MTR: variants seen among roughly 807,000 people sequenced by gnomAD.
MTR encodes the protein methionine synthase.
A neutral mutation model predicts 154.8 loss-of-function variants in MTR; 84 were observed. The observed-to-expected ratio is 0.54, with a 90% CI of 0.45 to 0.65. MTR has a LOEUF of 0.65. Ranked by LOEUF, MTR falls within the 30% of genes least tolerant of loss-of-function variation. MTR has a pLI of 0.00. For missense variants in MTR, 1,275 were observed against 1,570.2 expected (o/e 0.81, Z 3.18); for synonymous variants, 554 against 553.9 (o/e 1.00, Z 0.00).
At chr1:236,826,739 G>T in intron 10 of MTR, 90 bp from the exon 11 acceptor site, 1 of 984,642 alleles carries the variant, frequency 1.0e-6, no homozygotes, top group South Asian at 1.3e-5. Context: ...TAGTTATTCA[G>T]GAAGTATAGA....
At chr1:236,841,552 G>A (rs1284951786) in intron 15 of MTR, among the ~76,000 whole-genome samples, 1 of 152,084 alleles carries the variant, frequency 6.6e-6, no homozygotes. Context: ...CAGCTGCACA[G>A]CTGTGACTGC....
At chr1:236,873,977 C>A in intron 23 of MTR, 137 bp downstream of exon 23, 1 of 841,920 alleles carries the variant, frequency 1.2e-6, no homozygotes, top group Non-Finnish European at 2.0e-6. Context: ...CCAGCTCCTG[C>A]ACCAGGTTGC....
chr1:236,890,586 A>G (rs560209871), intron 28 of MTR, among the ~76,000 whole-genome samples: 6 of 152,332 alleles, frequency 3.9e-5, no homozygotes, highest in African/African-American at 1.4e-4. Context: ...GTCTGAGTGC[A>G]TAGGGTGAGG....
At chr1:236,855,308 T>C (rs749640717) in intron 18 of MTR, among the ~76,000 whole-genome samples, 3 of 152,186 alleles carry the variant, frequency 2.0e-5, no homozygotes, top group Non-Finnish European at 4.4e-5. Flanking sequence ...AATCTCACAT[T>C]TGGGGAGGAA....
chr1:236,897,647 T>A lies in MTR; in HGVS notation c.*3T>A. The A allele has an allele frequency of 1.3e-6, 1 of 755,960 alleles. No individual in the cohort carries two copies. Among genetic ancestry groups the A allele is most frequent in the Non-Finnish European group, 1.8e-6 (1 of 553,676 alleles). 46.8% of individuals were successfully genotyped at this position (755,960 alleles called of 1,614,324 possible). A position where few individuals can be genotyped will look rare whatever the true frequency, so the allele number is the denominator to read the frequency against. On this transcript the variant is annotated 3_prime_UTR_variant, in exon 33 of 33. Transcript: ENST00000366577. Reference sequence around the variant, plus strand: ...TTTTGGGATATGATACAGACTAACTTTTTTTTTTTTTTTGCCTTTTTTATT... The same window carrying A: ...TTTTGGGATATGATACAGACTAACTATTTTTTTTTTTTTGCCTTTTTTATT...
chr1:236,900,183 T>C lies in MTR; in HGVS notation c.*2539T>C. 2.5e-6 allele frequency: 1 copy of C among 407,322 alleles called. No individual in the cohort carries two copies. Among genetic ancestry groups the C allele is most frequent in the Middle Eastern group, 3.5e-4 (1 of 2,868 alleles). 25.2% of individuals were successfully genotyped at this position (407,322 alleles called of 1,614,324 possible). On this transcript the variant is annotated 3_prime_UTR_variant, in exon 33 of 33. Coordinates refer to ENST00000366577, the MANE Select transcript of MTR (RefSeq NM_000254.3). ...AAATGTATGTCTGTCTACAGGAAAA[T>C]AGGTGAATAATTAGATATATATATT...
intron 14 of MTR, 144 bp from the exon 15 acceptor site, chr1:236,838,270 A>G (rs1663022434): frequency 5.0e-6 from 4 of 804,708 alleles, no homozygotes; most frequent in Admixed American, 4.9e-5. Context: ...AAGAACAAGT[A>G]TATTAAAATT....
chr1:236,858,411 A>T (rs1430441459), intron 18 of MTR, among the ~76,000 whole-genome samples: 1 of 152,150 alleles, frequency 6.6e-6, no homozygotes, highest in African/African-American at 2.4e-5. Flanking sequence ...GACGTGTGGG[A>T]ATTGTGGGAG....
chr1:236,821,154 G>A (rs79944415), intron 8 of MTR, among the ~76,000 whole-genome samples: 3,063 of 152,356 alleles, frequency 0.02, 54 homozygotes, highest in Non-Finnish European at 0.031. Flanking sequence ...AGATTGAGTA[G>A]CCACATCTGG....
intron 32 of MTR, among the ~76,000 whole-genome samples, 192 bp downstream of exon 32, chr1:236,897,310 G>GCGCGCGCGCGCACACACATACACACA: frequency 7.8e-6 from 1 of 128,614 alleles, no homozygotes; most frequent in Non-Finnish European, 1.7e-5. Flanking sequence ...CCACACACAC[G>GCGCGCGCGCGCACACACATACACACA]CACACACACA....
rs1182148079 is a variant in MTR, at chr1:236,795,735, C to A, written c.32C>A (p.Pro11His). Residue 11 changes from proline (P) to histidine (H), a missense_variant and splice_region_variant, in exon 1 of 33, where the codon CCC (proline) becomes CAC (histidine). Pro to His is a moderately conservative substitution (Grantham distance 77, BLOSUM62 -2). Transcript: ENST00000366577. MSPALQDLSQ[P>H]EGLKKTLRDE... ...CCCGCGCTCCAAGACCTGTCGCAACCCGGTAACGCTGCGACCCCGTCTGCG... is the reference window on the plus strand; with the variant it reads ...CCCGCGCTCCAAGACCTGTCGCAACACGGTAACGCTGCGACCCCGTCTGCG... The A allele has an allele frequency of 1.2e-6, 2 of 1,614,064 alleles. No individual in the cohort carries two copies. The highest frequency in any genetic ancestry group is 2.2e-5 in the East Asian group (1 of 44,900).
intron 21 of MTR, among the ~76,000 whole-genome samples, chr1:236,863,162 TC>T (rs1405923298): frequency 1.3e-5 from 2 of 152,158 alleles, no homozygotes; most frequent in East Asian, 3.9e-4. Context: ...TCAAATAAGT[TC>T]CCCCGCACCC....
chr1:236,856,264 A>T (rs1664196244), intron 18 of MTR, among the ~76,000 whole-genome samples: 1 of 152,050 alleles, frequency 6.6e-6, no homozygotes, highest in Admixed American at 6.5e-5. Flanking sequence ...GAGTTGTCTG[A>T]TTGTGTGGCT....
chr1:236,835,626 A>T lies in MTR; in HGVS notation c.1268A>T (p.Asp423Val), dbSNP rs1662862883. ...LDVNMDDGML[D>V]GPSAMTRFCN... is the part of the protein sequence containing the mutation. ...GTCAACATGGATGATGGCATGCTAG[A>T]TGGTCCAAGTGCAATGACCAGATTT... The change falls in exon 14 of 33, where the codon GAT becomes GTT. Residue 423 changes from aspartate (D) to valine (V), a missense_variant. Physicochemically the swap from Asp to Val is radical, Grantham distance 152 (BLOSUM62 -3). Transcript: ENST00000366577. The T allele has an allele frequency of 1.9e-6, 3 of 1,610,554 alleles. No homozygotes were observed. The South Asian group carries it at 3.3e-5, about 18-fold the overall frequency.
In MTR at chr1:236,897,795, G is replaced by C. The variant is rs908584950; in HGVS notation, c.*151G>C. ...TTCGAAGACTATTTAGTGGAACCTT[G>C]TAGAGGAGCAGGGTCTTCCTGCAGT... On this transcript the variant is annotated 3_prime_UTR_variant, in exon 33 of 33. Coordinates refer to ENST00000366577, the MANE Select transcript of MTR (RefSeq NM_000254.3). 12 of 708,216 alleles carry C rather than the reference G, an allele frequency of 1.7e-5. No homozygotes were observed. The highest frequency in any genetic ancestry group is 2.4e-5 in the Non-Finnish European group (10 of 415,020). The allele number at this position is 708,216 out of a possible 1,614,324, so 43.9% of individuals were successfully genotyped here.
At position 236,895,035 on chromosome 1, in the gene MTR, G is replaced by A. The variant is rs922511663; in HGVS notation, c.3406-323G>A. On this transcript the variant is annotated intron_variant, in intron 30 of 32. Coordinates refer to ENST00000366577, the MANE Select transcript of MTR (RefSeq NM_000254.3). ...GTGAACAGTGGAGGAACTAGCAGCT[G>A]TATGGTCCCAGCTGCTCTTTCTGGC... The A allele has an allele frequency of 4.1e-5, 17 of 409,844 alleles. 1 individual carries two copies. The highest frequency in any genetic ancestry group is 2.0e-4 in the African/African-American group (10 of 49,272). 25.4% of individuals were successfully genotyped at this position (409,844 alleles called of 1,614,324 possible).
At chr1:236,879,005 G>A (rs1467750852) in intron 24 of MTR, among the ~76,000 whole-genome samples, 1 of 152,236 alleles carries the variant, frequency 6.6e-6, no homozygotes, top group Non-Finnish European at 1.5e-5. Context: ...ATACTGTTAG[G>A]AAGATGGAAC....
chr1:236,862,304 A>T lies in MTR; in HGVS notation c.2265A>T (p.Arg755Ser). The T allele has an allele frequency of 6.2e-7, 1 of 1,614,058 alleles. No homozygotes were observed. Among genetic ancestry groups the T allele is most frequent in the East Asian group, 2.2e-5 (1 of 44,882 alleles). The change falls in exon 21 of 33, where the codon AGA (arginine) becomes AGT (serine). Residue 755 changes from arginine (R) to serine (S), a missense_variant. Transcript: ENST00000366577. ...TTATCCCTTTCATGGAAAAAGAAAG[A>T]GAAGAAACCAGAGTGCTTAACGGCA... ...GHLIPFMEKE[R>S]EETRVLNGTV... is the part of the protein sequence containing the mutation.
chr1:236,810,487 T>A lies in MTR; in HGVS notation c.410-16T>A. On this transcript the variant is annotated splice_polypyrimidine_tract_variant and intron_variant, in intron 4 of 32. Transcript: ENST00000366577. The stretch of plus-strand genomic sequence containing the variant: ...AGCCACTTAGAGATCTCACACTTGT[T>A]TTTCTTTTCCCAAAGGAATTAAGAG... The A allele has an allele frequency of 6.2e-7, 1 of 1,609,458 alleles. No homozygotes were observed. Among genetic ancestry groups the A allele is most frequent in the Non-Finnish European group, 8.5e-7 (1 of 1,175,854 alleles).
Sources: gnomAD v4.1 joint callset for allele counts (sites outside exome capture counted in the v4.1 genomes callset) on GRCh38, gnomAD v4.1.1 for gene constraint, MANE v1.5 for transcripts, NCBI Gene and HGNC (gene_info 2026-07-23, HGNC 2026-07-21) for gene names.